The following POLK variants were observed in gnomAD, a reference collection of about 807,000 sequenced individuals.
POLK encodes polymerase (DNA directed) kappa.
A neutral mutation model predicts 94.0 loss-of-function variants in POLK; 76 were observed. The ratio of observed to expected loss-of-function variants is 0.81; its 90% CI spans 0.67 to 0.98. The LOEUF is 0.98. POLK is among the 50% of genes least tolerant of loss of function. The pLI is 0.00. For synonymous variants in POLK, 349 were observed against 325.4 expected (o/e 1.07, Z -0.78); for missense variants, 954 against 1,010.1 (o/e 0.94, Z 0.75).
intron 3 of POLK, among the ~76,000 whole-genome samples, chr5:75,556,452 A>G (rs941101842): frequency 1.3e-5 from 2 of 152,102 alleles, no homozygotes; most frequent in South Asian, 2.1e-4. Context: ...TTGTTTCCCA[A>G]CCTGTGGCTT....
intron 13 of POLK, 169 bp from the exon 14 acceptor site, chr5:75,597,578 T>C (rs1199575491): frequency 1.8e-5 from 8 of 438,304 alleles, no homozygotes; most frequent in Non-Finnish European, 4.1e-6. Flanking sequence ...GTAATGCTAA[T>C]AAAATTAGTA....
At chr5:75,526,304 C>T (rs1234375554) in intron 1 of POLK, among the ~76,000 whole-genome samples, 3 of 151,986 alleles carry the variant, frequency 2.0e-5, no homozygotes, top group Non-Finnish European at 2.9e-5. Context: ...ACTGCTTTGA[C>T]TTCAGCAAAA....
chr5:75,584,622 C>T (rs943381635), intron 8 of POLK, 138 bp from the exon 9 acceptor site: 3 of 546,464 alleles, frequency 5.5e-6, no homozygotes, highest in Non-Finnish European at 9.5e-6. Flanking sequence ...GGGGAGCCAA[C>T]TTGGCACCAC....
intron 1 of POLK, among the ~76,000 whole-genome samples, chr5:75,529,919 T>G (rs558223630): frequency 6.6e-6 from 1 of 152,292 alleles, no homozygotes; most frequent in Non-Finnish European, 1.5e-5. Flanking sequence ...ACAATAGAAC[T>G]ATCAGCACAA....
chr5:75,596,245 A>G (rs753805980), exon 13 of POLK: 2 of 1,593,754 alleles, frequency 1.3e-6, no homozygotes, highest in South Asian at 2.3e-5. Flanking sequence ...TAGTTTTCCC[A>G]ATGAAGAGGA....
At chr5:75,564,093 A>AT (rs1357713344) in intron 3 of POLK, among the ~76,000 whole-genome samples, 1 of 152,170 alleles carries the variant, frequency 6.6e-6, no homozygotes. Flanking sequence ...TTGGGTGCAT[A>AT]TATGTTTAGG....
chr5:75,587,328 T>A (rs1024253180), intron 10 of POLK, among the ~76,000 whole-genome samples: 1 of 152,214 alleles, frequency 6.6e-6, no homozygotes, highest in Non-Finnish European at 1.5e-5. Flanking sequence ...TTTCATATCT[T>A]AATTTCTAGC....
At chr5:75,511,939 T>A (rs1768040870) in intron 1 of POLK, 25 bp downstream of exon 1, 1 of 993,706 alleles carries the variant, frequency 1.0e-6, no homozygotes, top group Non-Finnish European at 1.5e-6. Flanking sequence ...CGGGGATCGC[T>A]TGTCCCCTTG....
At chr5:75,608,728 T>G in the POLK span, 1 of 152,150 alleles carries the variant, frequency 6.6e-6, no homozygotes, top group African/African-American at 2.4e-5. Flanking sequence ...AAAACTATTT[T>G]AAAAATTCGG....
At chr5:75,513,815 CAT>C (rs548423944) in intron 1 of POLK, among the ~76,000 whole-genome samples, 3 of 152,098 alleles carry the variant, frequency 2.0e-5, no homozygotes, top group Non-Finnish European at 4.4e-5. Context: ...GGCATGTACA[CAT>C]GTTCTTTCTG....
intron 11 of POLK, 85 bp from the exon 12 acceptor site, chr5:75,593,793 C>T (rs1772914584): frequency 2.7e-6 from 2 of 730,110 alleles, no homozygotes; most frequent in South Asian, 4.8e-5. Context: ...CAGTGAGCTA[C>T]AGCTGTGCCA....
At chr5:75,558,593 C>T (rs1175176423) in intron 3 of POLK, among the ~76,000 whole-genome samples, 3 of 152,076 alleles carry the variant, frequency 2.0e-5, no homozygotes, top group Non-Finnish European at 2.9e-5. Flanking sequence ...CAGTACCATA[C>T]AGTTTTAGTT....
chr5:75,562,959 G>A (rs180958830), intron 3 of POLK, among the ~76,000 whole-genome samples: 16 of 152,246 alleles, frequency 1.1e-4, no homozygotes, highest in African/African-American at 3.9e-4. Flanking sequence ...AGGGATATTG[G>A]CCTGAAATTT....
chr5:75,532,367 T>C (rs1171707454), intron 1 of POLK, among the ~76,000 whole-genome samples: 1 of 152,228 alleles, frequency 6.6e-6, no homozygotes, highest in East Asian at 1.9e-4. Flanking sequence ...TTGCTTAGTA[T>C]GATGACCTCC....
At chr5:75,533,001 C>T (rs373219816) in intron 1 of POLK, among the ~76,000 whole-genome samples, 50 of 152,144 alleles carry the variant, frequency 3.3e-4, no homozygotes, top group African/African-American at 1.1e-3. Context: ...TTCTTGGATC[C>T]GTAGTTTGCA....
intron 12 of POLK, 38 bp downstream of exon 12, chr5:75,594,087 G>A (rs1345398702): frequency 6.9e-7 from 1 of 1,438,930 alleles, no homozygotes; most frequent in Non-Finnish European, 9.5e-7. Context: ...CCTTAAATCT[G>A]CTAGATTTTC....
intron 1 of POLK, among the ~76,000 whole-genome samples, chr5:75,534,488 A>G (rs1434439006): frequency 6.6e-6 from 1 of 151,800 alleles, no homozygotes; most frequent in Non-Finnish European, 1.5e-5. Context: ...TAATCCTTAG[A>G]TTTCTTGGAT....
rs1561371144 is a variant in POLK, at chr5:75,559,505, G to GTTTTTTTTT, written c.255+6921_255+6922insTTTTTTTTT. ...TTGGCAATTTATTGATTTGGGGTTTGTTTTTTTGTTTTGTTTTGTTTTTTT... is the reference window on the plus strand; with the variant it reads ...TTGGCAATTTATTGATTTGGGGTTTGTTTTTTTTTTTTTTTTGTTTTGTTTTGTTTTTTT... On this transcript the variant is annotated intron_variant, in intron 3 of 14. Transcript: ENST00000241436. Among the ~76,000 whole-genome samples the GTTTTTTTTT allele has an allele frequency of 9.4e-4, 66 of 70,060 alleles. 3 individuals carry two copies. Among genetic ancestry groups the GTTTTTTTTT allele is most frequent in the African/African-American group, 1.2e-3 (25 of 20,684 alleles). The allele number at this position is 70,060 out of a possible 152,430, so 46.0% of individuals were successfully genotyped here.
intron 2 of POLK, among the ~76,000 whole-genome samples, chr5:75,551,168 C>A (rs1294593395): frequency 3.3e-5 from 5 of 152,204 alleles, no homozygotes; most frequent in Non-Finnish European, 7.3e-5. Flanking sequence ...CTGAGACCTT[C>A]TGTTAGGCAG....
Sources: gnomAD v4.1 joint callset for allele counts (sites outside exome capture counted in the v4.1 genomes callset) on GRCh38, gnomAD v4.1.1 for gene constraint, MANE v1.5 for transcripts, NCBI Gene and HGNC (gene_info 2026-07-23, HGNC 2026-07-21) for gene names.